The following VRK2 variants were observed in gnomAD, a reference collection of about 807,000 sequenced individuals.
VRK2 encodes serine/threonine-protein kinase VRK2.
Under a neutral mutation model 57.6 loss-of-function variants are expected in VRK2, and 60 were observed. The ratio of observed to expected loss-of-function variants is 1.04; its 90% CI spans 0.85 to 1.29. VRK2 has a LOEUF of 1.29. Among genes scored for constraint, VRK2 ranks in the 50% most tolerant of loss-of-function variants. The probability of loss-of-function intolerance (pLI) is 0.00; values close to 1 mark genes in which losing one functional copy is unlikely to be tolerated. For synonymous variants in VRK2, 231 were observed against 199.2 expected (o/e 1.16, Z -1.35); for missense variants, 705 against 588.1 (o/e 1.20, Z -2.06).
intron 5 of VRK2, 109 bp from the exon 6 acceptor site, chr2:58,088,232 T>A: frequency 1.3e-6 from 1 of 750,326 alleles, no homozygotes; most frequent in Non-Finnish European, 2.3e-6. Flanking sequence ...TTAGATTGCA[T>A]TATACTTAGT....
At chr2:57,915,767 G>C (rs1646598916) in intron 1 of VRK2, among the ~76,000 whole-genome samples, 1 of 152,200 alleles carries the variant, frequency 6.6e-6, no homozygotes, top group Non-Finnish European at 1.5e-5. Context: ...ACCGGTTTGT[G>C]GCCTGTTAGG....
intron 7 of VRK2, 110 bp downstream of exon 7, chr2:58,089,833 G>A (rs894102885): frequency 1.0e-5 from 7 of 698,538 alleles, no homozygotes; most frequent in African/African-American, 7.2e-5. Context: ...GTAACATGAT[G>A]AATGTTGTAA....
At chr2:58,117,011 A>C (rs1307078557) in intron 7 of VRK2, among the ~76,000 whole-genome samples, 1 of 151,828 alleles carries the variant, frequency 6.6e-6, no homozygotes, top group Non-Finnish European at 1.5e-5. Context: ...TTTTTTTATT[A>C]TTGTACACCT....
intron 5 of VRK2, among the ~76,000 whole-genome samples, 171 bp from the exon 6 acceptor site, chr2:58,088,170 G>T (rs1671897864): frequency 6.6e-6 from 1 of 152,170 alleles, no homozygotes; most frequent in Non-Finnish European, 1.5e-5. Context: ...ATATTGAGCA[G>T]TTTCTGCAAA....
chr2:58,094,512 G>A (rs1274430007), intron 7 of VRK2, among the ~76,000 whole-genome samples: 1 of 152,186 alleles, frequency 6.6e-6, no homozygotes, highest in Non-Finnish European at 1.5e-5. Flanking sequence ...CATTGATTTT[G>A]TATCCTGAGA....
At chr2:58,060,591 G>A (rs1356391388) in intron 2 of VRK2, among the ~76,000 whole-genome samples, 1 of 151,770 alleles carries the variant, frequency 6.6e-6, no homozygotes, top group Non-Finnish European at 1.5e-5. Flanking sequence ...ATCTGTTTAT[G>A]TAGTATATCT....
At chr2:57,998,720 A>C (rs1486947452) in intron 1 of VRK2, among the ~76,000 whole-genome samples, 1 of 152,230 alleles carries the variant, frequency 6.6e-6, no homozygotes, top group Non-Finnish European at 1.5e-5. Context: ...TGAGAATAAG[A>C]GACCTAAAAT....
At chr2:57,921,538 GTTAAT>G (rs1393338394) in intron 1 of VRK2, among the ~76,000 whole-genome samples, 2 of 151,912 alleles carry the variant, frequency 1.3e-5, no homozygotes, top group Non-Finnish European at 2.9e-5. Context: ...GTCTGAAAAG[GTTAAT>G]TATATAATAA....
At chr2:57,940,774 A>T (rs918296416) in intron 1 of VRK2, among the ~76,000 whole-genome samples, 1 of 152,200 alleles carries the variant, frequency 6.6e-6, no homozygotes, top group Non-Finnish European at 1.5e-5. Context: ...ACAGTTTCAC[A>T]TGAGGCAATG....
intron 2 of VRK2, among the ~76,000 whole-genome samples, chr2:58,059,436 A>C (rs1052604024): frequency 2.6e-5 from 4 of 151,914 alleles, no homozygotes; most frequent in African/African-American, 9.7e-5. Context: ...AGATACCTTT[A>C]TAAATATTGA....
intron 1 of VRK2, among the ~76,000 whole-genome samples, chr2:57,999,007 A>G (rs1015359296): frequency 1.3e-5 from 2 of 152,164 alleles, no homozygotes; most frequent in Non-Finnish European, 2.9e-5. Context: ...TTGTGTGTAT[A>G]TTAATAAATA....
intron 2 of VRK2, among the ~76,000 whole-genome samples, chr2:58,061,808 A>G (rs768029284): frequency 6.6e-6 from 1 of 152,080 alleles, no homozygotes; most frequent in African/African-American, 2.4e-5. Flanking sequence ...ATTATAAATA[A>G]ATTCAGAAAA....
chr2:57,956,927 T>C (rs1286813336), intron 1 of VRK2, among the ~76,000 whole-genome samples: 1 of 152,188 alleles, frequency 6.6e-6, no homozygotes, highest in South Asian at 2.1e-4. Context: ...TTGTACTGTG[T>C]ATCTTCAGCA....
intron 1 of VRK2, among the ~76,000 whole-genome samples, chr2:57,924,171 T>A (rs1157702471): frequency 1.3e-5 from 2 of 152,070 alleles, no homozygotes; most frequent in African/African-American, 4.8e-5. Flanking sequence ...CCTTCAGTAG[T>A]GTTCTTTTTG....
chr2:58,151,851 T>C (rs1683132250), intron 12 of VRK2, among the ~76,000 whole-genome samples: 1 of 149,628 alleles, frequency 6.7e-6, no homozygotes, highest in Non-Finnish European at 1.5e-5. Context: ...GTAAATAGTT[T>C]TATTGGAACA....
intron 1 of VRK2, among the ~76,000 whole-genome samples, chr2:57,999,301 G>A (rs67880350): frequency 0.17 from 26,058 of 151,966 alleles, 2,850 homozygotes; most frequent in African/African-American, 0.31. Flanking sequence ...TTCTTTGTTT[G>A]TGTTTACTAC....
chr2:58,049,703 A>T (rs1403566050), intron 2 of VRK2, among the ~76,000 whole-genome samples: 2 of 152,206 alleles, frequency 1.3e-5, no homozygotes, highest in African/African-American at 4.8e-5. Flanking sequence ...TCAAGGATAA[A>T]TTCTCCTAAA....
At chr2:58,014,452 A>G (rs1673514335) in intron 1 of VRK2, among the ~76,000 whole-genome samples, 1 of 152,224 alleles carries the variant, frequency 6.6e-6, no homozygotes, top group African/African-American at 2.4e-5. Context: ...CCAGTGATCA[A>G]TTAGCTTCAG....
intron 1 of VRK2, among the ~76,000 whole-genome samples, chr2:57,927,260 G>T (rs542093667): frequency 6.0e-5 from 9 of 149,048 alleles, no homozygotes; most frequent in Non-Finnish European, 1.2e-4. Flanking sequence ...TATTATTTTT[G>T]ATCTTTTCAT....
Sources: gnomAD v4.1 joint callset for allele counts (sites outside exome capture counted in the v4.1 genomes callset) on GRCh38, gnomAD v4.1.1 for gene constraint, MANE v1.5 for transcripts, NCBI Gene and HGNC (gene_info 2026-07-23, HGNC 2026-07-21) for gene names.